Variants in ACOXL observed in about 807,000 individuals in gnomAD.
ACOXL encodes acyl-coenzyme A oxidase-like protein.
Under a neutral mutation model 71.9 loss-of-function variants are expected in ACOXL, and 70 were observed. The ratio of observed to expected loss-of-function variants is 0.97; its 90% CI spans 0.80 to 1.19. ACOXL has a LOEUF of 1.19. Ranked by LOEUF, ACOXL falls within the 50% of genes most tolerant of loss-of-function variation. The pLI is 0.00. For synonymous variants in ACOXL, 253 were observed against 281.6 expected (o/e 0.90, Z 1.02); for missense variants, 703 against 736.3 (o/e 0.95, Z 0.52).
chr2:110,736,251 T>C (rs79838615), intron 1 of ACOXL, among the ~76,000 whole-genome samples: 4,063 of 152,310 alleles, frequency 0.027, 193 homozygotes, highest in African/African-American at 0.093. Flanking sequence ...ATTGACCATT[T>C]AACTGCTTCT....
At position 111,117,759 on chromosome 2, in the gene ACOXL, G is replaced by C; in HGVS notation, c.1686G>C (p.Gln562His). 2 of 1,551,388 alleles carry C rather than the reference G, an allele frequency of 1.3e-6. No homozygotes were observed. Among genetic ancestry groups the C allele is most frequent in the Non-Finnish European group, 1.7e-6 (2 of 1,146,958 alleles). Residue 562 changes from glutamine to histidine, a missense_variant, in exon 18 of 18, where the codon CAG becomes CAC. Transcript: ENST00000439055. Reference protein sequence around the residue: ...AAWAFYPAPLQPRPREEARSR... With the variant: ...AAWAFYPAPLHPRPREEARSR... ...GGGCTTTCTACCCTGCACCGCTGCAGCCGCGGCCACGGGAAGAGGCGCGCT... is the reference window on the plus strand; with the variant it reads ...GGGCTTTCTACCCTGCACCGCTGCACCCGCGGCCACGGGAAGAGGCGCGCT...
chr2:110,835,159 T>G (rs1186729256), intron 9 of ACOXL, among the ~76,000 whole-genome samples: 2 of 152,258 alleles, frequency 1.3e-5, no homozygotes, highest in African/African-American at 4.8e-5. Flanking sequence ...ATTTCAGATA[T>G]GAATTACTGG....
At chr2:110,910,913 ATT>A (rs1299781483) in intron 11 of ACOXL, among the ~76,000 whole-genome samples, 2 of 152,014 alleles carry the variant, frequency 1.3e-5, no homozygotes, top group East Asian at 3.8e-4. Flanking sequence ...TAATAATGTT[ATT>A]TGGGGGAGCA....
chr2:110,860,874 T>C (rs753721926), intron 10 of ACOXL, among the ~76,000 whole-genome samples: 1 of 152,214 alleles, frequency 6.6e-6, no homozygotes, highest in Non-Finnish European at 1.5e-5. Flanking sequence ...GGCCCCCTGT[T>C]ATCCACTGGT....
intron 5 of ACOXL, 88 bp downstream of exon 5, chr2:110,794,262 C>G: frequency 7.7e-7 from 1 of 1,292,424 alleles, no homozygotes. Flanking sequence ...CAGCTTCACA[C>G]CCTCTGTGTG....
intron 12 of ACOXL, among the ~76,000 whole-genome samples, chr2:110,986,611 A>G (rs2062944983): frequency 6.6e-6 from 1 of 152,230 alleles, no homozygotes; most frequent in Non-Finnish European, 1.5e-5. Context: ...ACCGCCACAG[A>G]AGAGCATGCA....
chr2:110,781,175 AAC>A (rs1163284819), intron 2 of ACOXL, among the ~76,000 whole-genome samples: 1 of 152,172 alleles, frequency 6.6e-6, no homozygotes, highest in African/African-American at 2.4e-5. Flanking sequence ...AATTGAACAT[AAC>A]TCATGCGCTT....
At chr2:110,831,615 A>G (rs1157790369) in intron 9 of ACOXL, among the ~76,000 whole-genome samples, 1 of 152,202 alleles carries the variant, frequency 6.6e-6, no homozygotes, top group Non-Finnish European at 1.5e-5. Flanking sequence ...GGGAGGGCAA[A>G]AGAATAGATA....
intron 17 of ACOXL, among the ~76,000 whole-genome samples, chr2:111,116,863 A>G (rs1176255793): frequency 1.3e-5 from 2 of 152,218 alleles, no homozygotes; most frequent in Non-Finnish European, 2.9e-5. Flanking sequence ...AATGAAATAA[A>G]AATACACCAG....
intron 9 of ACOXL, among the ~76,000 whole-genome samples, chr2:110,836,858 C>A (rs79854355): frequency 6.6e-6 from 1 of 152,174 alleles, no homozygotes; most frequent in African/African-American, 2.4e-5. Context: ...ATCTGCAGAC[C>A]CGGGTATAAG....
In ACOXL at chr2:110,768,401, G is replaced by C. The variant is rs958509219; in HGVS notation, c.12G>C (p.Leu4Phe). The change falls in exon 2 of 18, where the codon TTG becomes TTC. Residue 4 changes from leucine to phenylalanine, a missense_variant. Leu to Phe is a conservative substitution (Grantham distance 22). Coordinates refer to ENST00000439055, the MANE Select transcript of ACOXL (RefSeq NM_001142807.4). ...TAAGCTTGGATGAAATGAGAGCTTT[G>C]ACAGTTCAGAGAGTGAAGTTTGCCA... is the stretch of plus-strand genomic sequence containing the variant. MRA[L>F]TVQRVKFAMD... 1.2e-6 allele frequency: 2 copies of C among 1,613,870 alleles called. No individual in the cohort carries two copies. Among genetic ancestry groups the C allele is most frequent in the African/African-American group, 2.7e-5 (2 of 74,836 alleles).
chr2:111,084,679 C>T (rs942300542), intron 16 of ACOXL, among the ~76,000 whole-genome samples: 2 of 152,112 alleles, frequency 1.3e-5, no homozygotes, highest in African/African-American at 2.4e-5. Flanking sequence ...TTTTCAAAGA[C>T]AGCTAACAAC....
intron 17 of ACOXL, chr2:111,115,459 T>G (rs754321905): frequency 7.2e-5 from 11 of 152,228 alleles, no homozygotes; most frequent in Non-Finnish European, 1.2e-4. Flanking sequence ...TCCTGTAGTG[T>G]GTACCATTAA....
At chr2:111,043,121 G>A (rs1362306540) in intron 15 of ACOXL, among the ~76,000 whole-genome samples, 2 of 152,126 alleles carry the variant, frequency 1.3e-5, no homozygotes, top group African/African-American at 2.4e-5. Flanking sequence ...AGAAAAGGAG[G>A]GCCACATGTG....
intron 10 of ACOXL, among the ~76,000 whole-genome samples, chr2:110,898,379 A>G (rs1306478675): frequency 1.3e-5 from 2 of 152,236 alleles, no homozygotes; most frequent in African/African-American, 4.8e-5. Flanking sequence ...GCAATATAAA[A>G]AAACTATATA....
chr2:110,797,720 G>T (rs1241949580), intron 5 of ACOXL, among the ~76,000 whole-genome samples: 2 of 152,204 alleles, frequency 1.3e-5, no homozygotes, highest in African/African-American at 4.8e-5. Context: ...CACAGATGCG[G>T]ACCCTGGGAC....
intron 17 of ACOXL, among the ~76,000 whole-genome samples, chr2:111,102,279 G>A (rs1278028062): frequency 6.6e-6 from 1 of 152,132 alleles, no homozygotes; most frequent in African/African-American, 2.4e-5. Flanking sequence ...CTTCAGTTTG[G>A]CCAGTAAAAG....
chr2:110,796,162 A>T (rs1217876294), intron 5 of ACOXL: 3 of 152,102 alleles, frequency 2.0e-5, no homozygotes, highest in African/African-American at 7.2e-5. Flanking sequence ...TCTCTCCCCA[A>T]GGACCATTTA....
chr2:110,818,546 G>GGTATATATATGTATGT (rs1688238379), intron 9 of ACOXL, among the ~76,000 whole-genome samples: 1 of 146,752 alleles, frequency 6.8e-6, no homozygotes, highest in South Asian at 2.2e-4. Context: ...TGTATAAGTA[G>GGTATATATATGTATGT]GTATATATAT....
Sources: gnomAD v4.1 joint callset for allele counts (sites outside exome capture counted in the v4.1 genomes callset) on GRCh38, gnomAD v4.1.1 for gene constraint, MANE v1.5 for transcripts, NCBI Gene and HGNC (gene_info 2026-07-23, HGNC 2026-07-21) for gene names.